The following ABR variants were observed in gnomAD, a reference collection of about 807,000 sequenced individuals.
ABR encodes the protein active breakpoint cluster region-related protein.
In ABR, 35 loss-of-function variants were observed where a neutral mutation model predicts 107.2. That is an observed-to-expected ratio of 0.33 (90% CI 0.25 to 0.43). The LOEUF is 0.43. Among genes scored for constraint, ABR ranks in the 20% least tolerant of loss-of-function variants. The pLI is 1.00. For synonymous variants in ABR, 498 were observed against 462.0 expected (o/e 1.08, Z -1.00); for missense variants, 815 against 1,115.2 (o/e 0.73, Z 3.83).
At chr17:1,207,686 G>C (rs1396695781) in intron 1 of ABR, among the ~76,000 whole-genome samples, 1 of 151,670 alleles carries the variant, frequency 6.6e-6, no homozygotes, top group African/African-American at 2.4e-5. Flanking sequence ...GGGAAAAAAG[G>C]AAACTGTTGG....
At chr17:1,188,528 T>C (rs1245711104), upstream of ABR, among the ~76,000 whole-genome samples, 4 of 143,626 alleles carry the variant, frequency 2.8e-5, no homozygotes, top group African/African-American at 5.2e-5. Context: ...CCAGCCTGGG[T>C]GACAGAGGGA....
chr17:1,031,752 ACGGGACGCGGCGCTGGAGAGAAG>A, intron 16 of ABR: 3 of 1,219,594 alleles, frequency 2.5e-6, no homozygotes, highest in Non-Finnish European at 3.1e-6. Context: ...GCCGGGGGGG[ACGGGACGCGGCGCTGGAGAGAAG>A]GCGCCTGTGG....
chr17:1,025,119 C>CA lies in ABR; in HGVS notation c.1792-11956dup, dbSNP rs71272843. ...CCTGGGCGACAGCGAGACTCCGTCT[C>CA]AAAAAAAAAAAAAAAAAAATACAAA... On this transcript the variant is annotated intron_variant, in intron 16 of 22. Transcript: ENST00000302538. 1.0e-3 allele frequency among the ~76,000 whole-genome samples: 38 copies of CA among 37,704 alleles called. 1 individual carries two copies. Among genetic ancestry groups the CA allele is most frequent in the South Asian group, 6.7e-3 (6 of 892 alleles). The allele number at this position is 37,704 out of a possible 152,430, so 24.7% of individuals were successfully genotyped here.
upstream of ABR, among the ~76,000 whole-genome samples, chr17:1,181,679 G>C (rs560695010): frequency 3.3e-5 from 5 of 152,186 alleles, no homozygotes; most frequent in African/African-American, 1.2e-4. Context: ...CCGCGAGGCC[G>C]GAGGAGCCAT....
intron 2 of ABR, among the ~76,000 whole-genome samples, chr17:1,124,010 G>C (rs994353127): frequency 6.6e-6 from 1 of 151,998 alleles, no homozygotes; most frequent in Non-Finnish European, 1.5e-5. Flanking sequence ...ACAGGTGCAC[G>C]CCTGGACTGC....
At chr17:1,091,927 G>T in intron 3 of ABR, 77 bp from the exon 4 acceptor site, 1 of 1,438,044 alleles carries the variant, frequency 7.0e-7, no homozygotes, top group Non-Finnish European at 9.5e-7. Context: ...GGGGCCGATC[G>T]TTAGCCCTTC....
intron 2 of ABR, among the ~76,000 whole-genome samples, chr17:1,113,033 C>T (rs1283211214): frequency 6.6e-6 from 1 of 152,052 alleles, no homozygotes; most frequent in African/African-American, 2.4e-5. Flanking sequence ...ACCCAATCAG[C>T]AAGCATTTGT....
chr17:1,221,407 G>C (rs28624745), intron 1 of ABR, among the ~76,000 whole-genome samples: 1 of 151,970 alleles, frequency 6.6e-6, no homozygotes, highest in Admixed American at 6.6e-5. Flanking sequence ...CAGCTATTTC[G>C]GACCAGGAGG....
chr17:1,047,813 C>T (rs550709850), intron 16 of ABR, among the ~76,000 whole-genome samples: 114 of 152,238 alleles, frequency 7.5e-4, no homozygotes, highest in African/African-American at 2.6e-3. Flanking sequence ...GTGTTTCCCC[C>T]GGGGCTTGTG....
At chr17:1,061,007 C>A (rs1047108872) in intron 10 of ABR, among the ~76,000 whole-genome samples, 4 of 151,422 alleles carry the variant, frequency 2.6e-5, no homozygotes, top group South Asian at 2.1e-4. Flanking sequence ...CAAAAAAAAA[C>A]AAAAAACAAA....
At chr17:1,059,649 G>T (rs1228155983) in intron 10 of ABR, among the ~76,000 whole-genome samples, 1 of 152,148 alleles carries the variant, frequency 6.6e-6, no homozygotes, top group Non-Finnish European at 1.5e-5. Flanking sequence ...TTCATCCTCT[G>T]CGGGCAGAGC....
chr17:1,044,113 G>A (rs1024489827), intron 16 of ABR, among the ~76,000 whole-genome samples: 13 of 152,182 alleles, frequency 8.5e-5, no homozygotes, highest in African/African-American at 3.1e-4. Flanking sequence ...GGCAAGGCTG[G>A]AAATAGAGTA....
chr17:1,110,271 G>A (rs2038591506), intron 2 of ABR, among the ~76,000 whole-genome samples: 1 of 151,950 alleles, frequency 6.6e-6, no homozygotes, highest in Non-Finnish European at 1.5e-5. Context: ...TCCATGGGAG[G>A]AGGAGTCCAG....
intron 1 of ABR, among the ~76,000 whole-genome samples, chr17:1,193,436 C>G (rs1205199819): frequency 1.3e-5 from 2 of 152,206 alleles, no homozygotes; most frequent in African/African-American, 4.8e-5. Flanking sequence ...TATGTGGAAG[C>G]CACAGTCACC....
At chr17:1,085,918 G>A (rs552847702) in intron 4 of ABR, among the ~76,000 whole-genome samples, 106 of 152,226 alleles carry the variant, frequency 7.0e-4, no homozygotes, top group African/African-American at 2.5e-3. Flanking sequence ...AGGCCGAGGC[G>A]GGCAGATCAC....
At chr17:1,175,817 C>A (rs569556574) in intron 1 of ABR, among the ~76,000 whole-genome samples, 2 of 152,172 alleles carry the variant, frequency 1.3e-5, no homozygotes, top group Non-Finnish European at 2.9e-5. Context: ...CAGGGCCGGG[C>A]GCGGTGGCTC....
chr17:1,142,135 C>G (rs1024072699), intron 1 of ABR, among the ~76,000 whole-genome samples: 2 of 152,120 alleles, frequency 1.3e-5, no homozygotes, highest in Non-Finnish European at 1.5e-5. Flanking sequence ...GGGAAGCTCT[C>G]TGGCTCCTAC....
At chr17:1,012,337 G>A (rs1214745601) in intron 18 of ABR, 2 of 640,938 alleles carry the variant, frequency 3.1e-6, no homozygotes, top group East Asian at 6.4e-5. Flanking sequence ...GGCCAGGGTG[G>A]TGGTGAACCG....
intron 2 of ABR, among the ~76,000 whole-genome samples, chr17:1,112,818 GT>G (rs1438491079): frequency 6.6e-6 from 1 of 152,038 alleles, no homozygotes; most frequent in Non-Finnish European, 1.5e-5. Flanking sequence ...GTCTCCAATG[GT>G]TGACTCCCCA....
Sources: allele counts gnomAD v4.1 joint callset (sites outside exome capture counted in the v4.1 genomes callset), GRCh38; gene constraint gnomAD v4.1.1; transcripts MANE v1.5; gene names NCBI Gene and HGNC (gene_info 2026-07-23, HGNC 2026-07-21).